The following PTPRM variants were observed in gnomAD, a reference collection of about 807,000 sequenced individuals.
The protein encoded by PTPRM is protein tyrosine phosphatase receptor type M.
Under a neutral mutation model 186.7 loss-of-function variants are expected in PTPRM, and 47 were observed. The observed-to-expected ratio is 0.25, with a 90% CI of 0.20 to 0.32. PTPRM has a LOEUF of 0.32. Ranked by LOEUF, PTPRM falls within the 10% of genes least tolerant of loss-of-function variation. The pLI is 1.00. For missense variants in PTPRM, 1,494 were observed against 1,865.0 expected (o/e 0.80, Z 3.66); for synonymous variants, 668 against 674.9 (o/e 0.99, Z 0.16).
At chr18:8,308,900 G>A (rs535997951) in intron 20 of PTPRM, among the ~76,000 whole-genome samples, 368 of 152,338 alleles carry the variant, frequency 2.4e-3, no homozygotes, top group Non-Finnish European at 4.1e-3. Flanking sequence ...GGTGAGCACA[G>A]ATATAGAATG....
chr18:8,131,483 A>G (rs1220124223), intron 13 of PTPRM, among the ~76,000 whole-genome samples: 1 of 152,186 alleles, frequency 6.6e-6, no homozygotes, highest in Admixed American at 6.5e-5. Flanking sequence ...ACAGAGCATA[A>G]CCTATTTTAT....
chr18:8,330,555 A>G (rs2095406615), intron 22 of PTPRM, among the ~76,000 whole-genome samples: 1 of 152,200 alleles, frequency 6.6e-6, no homozygotes, highest in African/African-American at 2.4e-5. Flanking sequence ...TAGCCCCTGA[A>G]GCATATGAAT....
intron 14 of PTPRM, among the ~76,000 whole-genome samples, chr18:8,175,755 T>A (rs2093471202): frequency 6.6e-6 from 1 of 152,222 alleles, no homozygotes; most frequent in African/African-American, 2.4e-5. Flanking sequence ...ATCTTGAAGG[T>A]AATTTCGTTG....
intron 13 of PTPRM, among the ~76,000 whole-genome samples, chr18:8,138,917 A>G (rs2092700736): frequency 6.6e-6 from 1 of 151,802 alleles, no homozygotes; most frequent in Non-Finnish European, 1.5e-5. Flanking sequence ...CTGTGTCTGT[A>G]TTCGCCTGGA....
intron 14 of PTPRM, among the ~76,000 whole-genome samples, chr18:8,188,531 C>T (rs1315347300): frequency 6.6e-6 from 1 of 152,218 alleles, no homozygotes; most frequent in Admixed American, 6.5e-5. Flanking sequence ...ACGAAACGCA[C>T]ATAGAGCTCA....
At chr18:7,835,122 G>T (rs1180442186) in intron 2 of PTPRM, among the ~76,000 whole-genome samples, 1 of 122,326 alleles carries the variant, frequency 8.2e-6, no homozygotes, top group South Asian at 2.6e-4. Context: ...TCTGATTTTT[G>T]TTATTTATTC....
At chr18:8,314,485 T>G (rs1370983946) in intron 20 of PTPRM, among the ~76,000 whole-genome samples, 4 of 152,236 alleles carry the variant, frequency 2.6e-5, no homozygotes, top group Non-Finnish European at 5.9e-5. Context: ...AAGATCTACT[T>G]ATGTTTGTGG....
chr18:7,568,400 G>A lies in PTPRM; in HGVS notation c.73+509G>A, dbSNP rs888197862. On this transcript the variant is annotated intron_variant, in intron 1 of 32. Transcript: ENST00000580170. This position sits in a 1 kb window ranked among gnomAD's most constrained non-coding sequence, Gnocchi z 5.1. Reference sequence around the variant, plus strand: ...CCGCTCCGGCGGCGGCGATCTCCCGGTGCCCTGCCCTCCCTGTCGCCCCCT... The same window carrying A: ...CCGCTCCGGCGGCGGCGATCTCCCGATGCCCTGCCCTCCCTGTCGCCCCCT... 2.0e-5 allele frequency among the ~76,000 whole-genome samples: 3 copies of A among 151,792 alleles called. No homozygotes were observed. The highest frequency in any genetic ancestry group is 7.2e-5 in the African/African-American group (3 of 41,390).
Position 8,143,683 on chromosome 18 carries a change from AACAG to A in PTPRM, c.2211_2214del (p.Asp738IlefsTer16). Reference sequence around the variant, plus strand: ...CCGAAACCAGTCCCAGAACCCGAGAAACAGACAGACCATACAGTTAAAATTGCTG... The same window carrying A: ...CCGAAACCAGTCCCAGAACCCGAGAAACAGACCATACAGTTAAAATTGCTG... On this transcript the variant is annotated frameshift_variant, in exon 14 of 33. Transcript: ENST00000580170. LOFTEE classifies it high-confidence loss of function. 1 of 1,608,486 alleles carries A rather than the reference AACAG, an allele frequency of 6.2e-7. No homozygotes were observed. Among genetic ancestry groups the A allele is most frequent in the Non-Finnish European group, 8.5e-7 (1 of 1,174,862 alleles).
intron 19 of PTPRM, among the ~76,000 whole-genome samples, chr18:8,293,951 T>C (rs559799629): frequency 6.6e-6 from 1 of 152,324 alleles, no homozygotes; most frequent in South Asian, 2.1e-4. Context: ...ATTCTCATGC[T>C]GCTGTGAAGA....
chr18:7,820,832 G>T (rs891827213), intron 2 of PTPRM, among the ~76,000 whole-genome samples: 1 of 152,174 alleles, frequency 6.6e-6, no homozygotes, highest in African/African-American at 2.4e-5. Flanking sequence ...AGACCAAACT[G>T]CCATTTGCAG....
At chr18:7,727,000 T>A (rs538060324) in intron 1 of PTPRM, among the ~76,000 whole-genome samples, 1 of 151,996 alleles carries the variant, frequency 6.6e-6, no homozygotes, top group Non-Finnish European at 1.5e-5. Context: ...TATAATTCAG[T>A]GGTAAGACAA....
chr18:8,196,530 G>A (rs992226546), intron 14 of PTPRM, among the ~76,000 whole-genome samples: 1 of 152,200 alleles, frequency 6.6e-6, no homozygotes, highest in African/African-American at 2.4e-5. Flanking sequence ...CATAGCATTT[G>A]CTGAAAATAT....
intron 2 of PTPRM, among the ~76,000 whole-genome samples, chr18:7,855,389 C>CT (rs2047048451): frequency 6.6e-6 from 1 of 152,208 alleles, no homozygotes; most frequent in Non-Finnish European, 1.5e-5. Context: ...TAGCACTCCT[C>CT]TATCTGATGG....
At chr18:8,299,839 A>G (rs1278418536) in intron 20 of PTPRM, among the ~76,000 whole-genome samples, 1 of 152,212 alleles carries the variant, frequency 6.6e-6, no homozygotes, top group Non-Finnish European at 1.5e-5. Flanking sequence ...AAAGCCAGAC[A>G]GTGGGCTACT....
intron 1 of PTPRM, among the ~76,000 whole-genome samples, chr18:7,767,450 C>T (rs546656807): frequency 4.5e-4 from 68 of 152,044 alleles, no homozygotes; most frequent in African/African-American, 1.5e-3. Flanking sequence ...ATTTGTTTTC[C>T]GTTGTTTTGT....
At chr18:7,743,960 A>G (rs1401962095) in intron 1 of PTPRM, among the ~76,000 whole-genome samples, 1 of 152,224 alleles carries the variant, frequency 6.6e-6, no homozygotes, top group African/African-American at 2.4e-5. Context: ...AATGATTACC[A>G]TGAAATCAGG....
chr18:8,189,902 TTTTAC>T (rs1005131688), intron 14 of PTPRM, among the ~76,000 whole-genome samples: 7 of 152,278 alleles, frequency 4.6e-5, no homozygotes, highest in African/African-American at 7.2e-5. Context: ...GCAGTCACTT[TTTTAC>T]TTTACTTACT....
intron 7 of PTPRM, among the ~76,000 whole-genome samples, chr18:7,991,376 G>A (rs1457732519): frequency 6.6e-6 from 1 of 152,052 alleles, no homozygotes; most frequent in Non-Finnish European, 1.5e-5. Context: ...AATGGCTTAT[G>A]ACTATAAAGA....
Sources: allele counts gnomAD v4.1 joint callset (sites outside exome capture counted in the v4.1 genomes callset), GRCh38; gene constraint gnomAD v4.1.1; non-coding constraint Gnocchi (gnomAD v3.1); transcripts MANE v1.5; gene names NCBI Gene and HGNC (gene_info 2026-07-23, HGNC 2026-07-21).